CSMD3: variants seen among roughly 807,000 people sequenced by gnomAD.
CSMD3 encodes CUB and Sushi multiple domains 3.
In CSMD3, 177 loss-of-function variants were observed where a neutral mutation model predicts 435.2. The ratio of observed to expected loss-of-function variants is 0.41; its 90% confidence interval spans 0.36 to 0.46. CSMD3 has a LOEUF of 0.46. Among genes scored for constraint, CSMD3 ranks in the 20% least tolerant of loss-of-function variants. CSMD3 has a pLI of 0.34. For synonymous variants in CSMD3, 1,656 were observed against 1,520.5 expected (o/e 1.09, Z -2.07); for missense variants, 4,265 against 4,504.6 (o/e 0.95, Z 1.52).
intron 59 of CSMD3, among the ~76,000 whole-genome samples, chr8:112,275,593 C>T (rs566116364): frequency 1.6e-4 from 24 of 152,120 alleles, no homozygotes; most frequent in Admixed American, 1.5e-3. Flanking sequence ...ACTCACAGTT[C>T]CAAGTGGCTA....
chr8:112,245,729 G>T (rs1814663102), intron 64 of CSMD3, among the ~76,000 whole-genome samples: 1 of 152,086 alleles, frequency 6.6e-6, no homozygotes, highest in African/African-American at 2.4e-5. Flanking sequence ...AATAGAGATG[G>T]GTTTCGCCAT....
intron 4 of CSMD3, among the ~76,000 whole-genome samples, chr8:113,158,836 A>G (rs1331089938): frequency 6.6e-6 from 1 of 152,212 alleles, no homozygotes; most frequent in East Asian, 1.9e-4. Context: ...TATAAACAAT[A>G]CAGATATTTT....
chr8:112,951,988 T>C (rs995687438), intron 8 of CSMD3, among the ~76,000 whole-genome samples: 2 of 151,754 alleles, frequency 1.3e-5, no homozygotes, highest in Non-Finnish European at 1.5e-5. Flanking sequence ...AGGAGCCTAC[T>C]AAAGAATTTG....
intron 11 of CSMD3, among the ~76,000 whole-genome samples, chr8:112,836,465 T>A (rs1187274269): frequency 6.6e-6 from 1 of 151,880 alleles, no homozygotes; most frequent in Non-Finnish European, 1.5e-5. Context: ...CTATGCCCCA[T>A]TCCATTTGCC....
chr8:113,236,121 A>T (rs1563584528), intron 3 of CSMD3, among the ~76,000 whole-genome samples: 1 of 152,092 alleles, frequency 6.6e-6, no homozygotes, highest in Non-Finnish European at 1.5e-5. Flanking sequence ...TAAAAAACAC[A>T]CCACTAGGTG....
intron 13 of CSMD3, among the ~76,000 whole-genome samples, chr8:112,752,898 CGCGTGTGTGTGT>C (rs1286055193): frequency 1.9e-4 from 18 of 96,088 alleles, no homozygotes; most frequent in Non-Finnish European, 2.0e-5. Flanking sequence ...TATTTGTTAC[CGCGTGTGTGTGT>C]GTGTGTGTGT....
intron 4 of CSMD3, among the ~76,000 whole-genome samples, chr8:113,148,844 A>G (rs1203481257): frequency 6.6e-6 from 1 of 151,814 alleles, no homozygotes; most frequent in African/African-American, 2.4e-5. Context: ...AGAACTAAAT[A>G]TAACACTAAG....
At position 112,690,060 on chromosome 8, in the gene CSMD3, T is replaced by C. The variant is rs758023930; in HGVS notation, c.1973-10A>G. 6.2e-6 allele frequency: 10 copies of C among 1,611,258 alleles called. No homozygotes were observed. The highest frequency in any genetic ancestry group is 4.5e-5 in the East Asian group (2 of 44,768). On this transcript the variant is annotated splice_polypyrimidine_tract_variant and intron_variant, in intron 13 of 70. Coordinates refer to ENST00000297405, the MANE Select transcript of CSMD3 (RefSeq NM_198123.2). ...CTTTCTTTCTCAATTTCTGGAAAAA[T>C]AGAAGATAAAAGTCACCTTCCAAGG...
intron 38 of CSMD3, among the ~76,000 whole-genome samples, chr8:112,362,212 C>G (rs538252952): frequency 6.6e-6 from 1 of 151,996 alleles, no homozygotes; most frequent in Non-Finnish European, 1.5e-5. Flanking sequence ...ATCTACTAAA[C>G]AAATATTTTG....
intron 5 of CSMD3, among the ~76,000 whole-genome samples, chr8:113,074,043 T>C (rs575281878): frequency 3.3e-5 from 5 of 151,860 alleles, no homozygotes; most frequent in African/African-American, 4.8e-5. Context: ...TATTGCTAAA[T>C]ATTATCCTTG....
At chr8:112,696,762 AG>A (rs1199010937) in intron 13 of CSMD3, among the ~76,000 whole-genome samples, 3 of 151,748 alleles carry the variant, frequency 2.0e-5, no homozygotes, top group African/African-American at 4.8e-5. Context: ...GCACAGCAAA[AG>A]AAACTACCAT....
chr8:112,635,526 G>GC (rs896064438), intron 22 of CSMD3, among the ~76,000 whole-genome samples: 1 of 151,634 alleles, frequency 6.6e-6, no homozygotes, highest in African/African-American at 2.4e-5. Flanking sequence ...AAAAAAAAAT[G>GC]CACCCTGCAT....
chr8:113,221,399 C>T (rs1163806876), intron 3 of CSMD3, among the ~76,000 whole-genome samples: 1 of 145,288 alleles, frequency 6.9e-6, no homozygotes, highest in Admixed American at 6.8e-5. Flanking sequence ...GTAAGGAGGC[C>T]AGGACAAATA....
At chr8:113,419,631 C>A (rs2094600105) in intron 1 of CSMD3, among the ~76,000 whole-genome samples, 1 of 152,100 alleles carries the variant, frequency 6.6e-6, no homozygotes, top group Non-Finnish European at 1.5e-5. Context: ...ACTTGGGAAG[C>A]ACCAGTACAC....
At chr8:112,265,314 A>T in intron 60 of CSMD3, 97 bp downstream of exon 60, 2 of 813,998 alleles carry the variant, frequency 2.5e-6, no homozygotes, top group Non-Finnish European at 1.8e-6. Context: ...ACCTGGAACT[A>T]AAAAATTTTA....
intron 3 of CSMD3, among the ~76,000 whole-genome samples, chr8:113,238,594 A>G (rs1173306036): frequency 2.6e-5 from 4 of 152,136 alleles, no homozygotes; most frequent in Non-Finnish European, 4.4e-5. Flanking sequence ...TTGCAAGAAG[A>G]GTACAGGGAG....
At chr8:112,995,280 G>A (rs2085606919) in intron 6 of CSMD3, among the ~76,000 whole-genome samples, 1 of 151,354 alleles carries the variant, frequency 6.6e-6, no homozygotes, top group Admixed American at 6.6e-5. Context: ...AACAAAGTTA[G>A]TGCAATGATT....
intron 4 of CSMD3, among the ~76,000 whole-genome samples, chr8:113,099,433 T>A (rs571589679): frequency 6.6e-6 from 1 of 152,226 alleles, no homozygotes; most frequent in Non-Finnish European, 1.5e-5. Flanking sequence ...ATAGTTCATG[T>A]CAATGGTATG....
At chr8:112,652,101 A>G (rs1053243755) in intron 18 of CSMD3, among the ~76,000 whole-genome samples, 3 of 152,118 alleles carry the variant, frequency 2.0e-5, no homozygotes, top group Non-Finnish European at 4.4e-5. Flanking sequence ...TTAATACCCT[A>G]TGGCTAATGG....
Sources: allele counts gnomAD v4.1 joint callset (sites outside exome capture counted in the v4.1 genomes callset), GRCh38; gene constraint gnomAD v4.1.1; transcripts MANE v1.5; gene names NCBI Gene and HGNC (gene_info 2026-07-23, HGNC 2026-07-21).